The following CACNA2D3 variants were observed in gnomAD, a reference collection of about 807,000 sequenced individuals.
The protein encoded by CACNA2D3 is calcium voltage-gated channel auxiliary subunit alpha2delta 3.
A neutral mutation model predicts 160.6 loss-of-function variants in CACNA2D3; 60 were observed. The observed-to-expected ratio is 0.37, with a 90% CI of 0.30 to 0.46. CACNA2D3 has a LOEUF of 0.46. Among genes scored for constraint, CACNA2D3 ranks in the 20% least tolerant of loss-of-function variants. The pLI is 1.00. For synonymous variants in CACNA2D3, 558 were observed against 492.9 expected (o/e 1.13, Z -1.75); for missense variants, 1,205 against 1,365.0 (o/e 0.88, Z 1.85).
chr3:54,240,589 A>G (rs998969729), intron 2 of CACNA2D3, among the ~76,000 whole-genome samples: 2 of 152,198 alleles, frequency 1.3e-5, no homozygotes, highest in Non-Finnish European at 2.9e-5. Context: ...GAGAGGAAGG[A>G]GGAGGAGGAA....
In CACNA2D3 at chr3:55,072,379, A is replaced by G. The variant is rs566028853; in HGVS notation, c.2988-1066A>G. Among the ~76,000 whole-genome samples, 43 of 152,340 alleles carry G rather than the reference A, an allele frequency of 2.8e-4. No homozygotes were observed. The East Asian group carries it at 8.1e-3, about 29-fold the overall frequency. ...AACATATGAGGTGGCAACAGGTTAAAAAAGGGGGAGTCCCTTTCCCTTCTT... is the reference window on the plus strand; with the variant it reads ...AACATATGAGGTGGCAACAGGTTAAGAAAGGGGGAGTCCCTTTCCCTTCTT... On this transcript the variant is annotated intron_variant, in intron 35 of 37. Coordinates refer to ENST00000474759, the MANE Select transcript of CACNA2D3 (RefSeq NM_018398.3).
chr3:54,813,907 C>G (rs1358342983), intron 13 of CACNA2D3, among the ~76,000 whole-genome samples: 1 of 149,898 alleles, frequency 6.7e-6, no homozygotes, highest in East Asian at 1.9e-4. Flanking sequence ...CTCTGTCGCC[C>G]AGGCTGGAGT....
chr3:54,749,338 T>C (rs1701814880), intron 11 of CACNA2D3, among the ~76,000 whole-genome samples: 1 of 152,210 alleles, frequency 6.6e-6, no homozygotes, highest in African/African-American at 2.4e-5. Flanking sequence ...AATAAAGACT[T>C]AGAATTTAAC....
intron 27 of CACNA2D3, chr3:54,924,955 C>T: frequency 6.2e-7 from 1 of 1,611,030 alleles, no homozygotes; most frequent in South Asian, 1.1e-5. Context: ...GCTCCAGGGG[C>T]CAGATTTGAA....
intron 8 of CACNA2D3, among the ~76,000 whole-genome samples, chr3:54,573,574 AG>A (rs1467334184): frequency 3.9e-5 from 6 of 152,236 alleles, no homozygotes; most frequent in African/African-American, 1.4e-4. Context: ...GAAGTGCTGC[AG>A]TGAGTGCAGT....
chr3:54,364,626 T>C (rs987397206), intron 3 of CACNA2D3, among the ~76,000 whole-genome samples: 1 of 152,248 alleles, frequency 6.6e-6, no homozygotes, highest in Non-Finnish European at 1.5e-5. Context: ...AGAAAGCCAA[T>C]TATACAACAA....
chr3:54,764,060 G>C (rs748157494), intron 12 of CACNA2D3, among the ~76,000 whole-genome samples, 158 bp from the exon 13 acceptor site: 2 of 151,140 alleles, frequency 1.3e-5, no homozygotes, highest in Non-Finnish European at 2.9e-5. Context: ...TCGGGGAGAG[G>C]AGCTAACGTT....
chr3:54,806,392 A>G (rs1052139165), intron 13 of CACNA2D3, among the ~76,000 whole-genome samples: 5 of 152,202 alleles, frequency 3.3e-5, no homozygotes, highest in African/African-American at 9.7e-5. Context: ...AATCACAAGC[A>G]TTCTTATACA....
intron 2 of CACNA2D3, among the ~76,000 whole-genome samples, chr3:54,195,416 A>G (rs1701060277): frequency 6.6e-6 from 1 of 152,190 alleles, no homozygotes; most frequent in East Asian, 1.9e-4. Flanking sequence ...TAGCTCAAAG[A>G]GAGTCTGACA....
At chr3:54,960,220 A>G (rs986452679) in intron 27 of CACNA2D3, among the ~76,000 whole-genome samples, 1 of 152,124 alleles carries the variant, frequency 6.6e-6, no homozygotes, top group Non-Finnish European at 1.5e-5. Flanking sequence ...AGCAAAGAAA[A>G]TCTTCTGCTG....
At chr3:54,885,647 A>G in intron 23 of CACNA2D3, 61 bp downstream of exon 23, 4 of 1,343,164 alleles carry the variant, frequency 3.0e-6, no homozygotes, top group Non-Finnish European at 4.2e-6. Context: ...ATGAACTCAA[A>G]ACATTTTTTG....
intron 4 of CACNA2D3, among the ~76,000 whole-genome samples, chr3:54,445,745 G>A (rs1700213239): frequency 6.6e-6 from 1 of 152,114 alleles, no homozygotes; most frequent in African/African-American, 2.4e-5. Context: ...TATTTTGGTA[G>A]TCAGGAAAAA....
At chr3:54,211,881 G>A (rs1468097596) in intron 2 of CACNA2D3, among the ~76,000 whole-genome samples, 1 of 152,016 alleles carries the variant, frequency 6.6e-6, no homozygotes. Context: ...AGGTTTTTAG[G>A]TATTAGATTT....
chr3:54,624,922 T>C (rs1699063448), intron 9 of CACNA2D3, among the ~76,000 whole-genome samples: 1 of 152,178 alleles, frequency 6.6e-6, no homozygotes, highest in South Asian at 2.1e-4. Context: ...GGGTGGTTGT[T>C]GGTGAAGGCA....
At chr3:54,316,412 G>A (rs577692507) in intron 2 of CACNA2D3, among the ~76,000 whole-genome samples, 2 of 152,268 alleles carry the variant, frequency 1.3e-5, no homozygotes, top group East Asian at 3.9e-4. Flanking sequence ...GAAAGAGTAA[G>A]GCATTATATT....
intron 2 of CACNA2D3, among the ~76,000 whole-genome samples, chr3:54,127,561 G>T (rs1006708011): frequency 2.0e-5 from 3 of 152,176 alleles, no homozygotes; most frequent in African/African-American, 2.4e-5. Context: ...TTGCTCTTGT[G>T]GGGGAGGCGC....
intron 2 of CACNA2D3, among the ~76,000 whole-genome samples, chr3:54,313,550 A>C (rs1703791246): frequency 6.6e-6 from 1 of 151,696 alleles, no homozygotes; most frequent in Non-Finnish European, 1.5e-5. Context: ...TACTCCTAGC[A>C]CACCGCCCTT....
rs144225101 is a variant in CACNA2D3, at chr3:54,918,458, C to A, written c.2449+18590C>A. On this transcript the variant is annotated intron_variant, in intron 27 of 37. Coordinates refer to ENST00000474759, the MANE Select transcript of CACNA2D3 (RefSeq NM_018398.3). ...ACCAATCCTATTTGAGACAAAAGCT[C>A]TCAGGCTGGTGAGCTGTCAAATCGC... is the stretch of plus-strand genomic sequence containing the variant. 71 of 1,603,552 alleles carry A rather than the reference C, an allele frequency of 4.4e-5. No individual in the cohort carries two copies. The African/African-American group carries it at 7.0e-4, about 16-fold the overall frequency.
chr3:54,747,559 C>G (rs975401070), intron 11 of CACNA2D3, among the ~76,000 whole-genome samples: 3 of 152,142 alleles, frequency 2.0e-5, no homozygotes, highest in African/African-American at 7.2e-5. Flanking sequence ...TCATGTCAGA[C>G]TTCTACTCAA....
Sources: allele counts gnomAD v4.1 joint callset (sites outside exome capture counted in the v4.1 genomes callset), GRCh38; gene constraint gnomAD v4.1.1; transcripts MANE v1.5; gene names NCBI Gene and HGNC (gene_info 2026-07-23, HGNC 2026-07-21).